The following SRPK2 variants were observed in gnomAD, a reference collection of about 807,000 sequenced individuals.
SRPK2 encodes the protein SFRS protein kinase 2.
SRPK2 carries 21 observed loss-of-function variants against 90.8 expected under a neutral mutation model. That is an observed-to-expected ratio of 0.23 (90% CI 0.16 to 0.33). The LOEUF is 0.33. SRPK2 is among the 10% of genes least tolerant of loss of function. The probability of loss-of-function intolerance (pLI) is 1.00; values close to 1 mark genes in which losing one functional copy is unlikely to be tolerated. For missense variants in SRPK2, 620 were observed against 869.0 expected (o/e 0.71, Z 3.60); for synonymous variants, 288 against 311.1 (o/e 0.93, Z 0.78).
At chr7:105,303,289 G>C (rs1810783525) in intron 2 of SRPK2, among the ~76,000 whole-genome samples, 2 of 151,968 alleles carry the variant, frequency 1.3e-5, no homozygotes, top group African/African-American at 4.8e-5. Context: ...ACAGGGCGGG[G>C]AACATCACAC....
intron 2 of SRPK2, among the ~76,000 whole-genome samples, chr7:105,331,136 TA>T (rs977642921): frequency 1.3e-5 from 2 of 151,726 alleles, no homozygotes; most frequent in Non-Finnish European, 2.9e-5. Context: ...ACCCCATCTC[TA>T]CCAAAAATAT....
intron 2 of SRPK2, among the ~76,000 whole-genome samples, chr7:105,297,736 AATTT>A (rs1810010302): frequency 7.9e-6 from 1 of 125,864 alleles, no homozygotes; most frequent in Non-Finnish European, 1.6e-5. Flanking sequence ...TTAAGCTGTA[AATTT>A]TTTTTTTTTT....
intron 2 of SRPK2, among the ~76,000 whole-genome samples, chr7:105,362,584 T>C (rs1038741022): frequency 2.0e-5 from 3 of 151,790 alleles, no homozygotes; most frequent in African/African-American, 4.8e-5. Context: ...TAGGAACACT[T>C]TTAAACTGTT....
chr7:105,237,938 G>A (rs79892591), intron 2 of SRPK2, among the ~76,000 whole-genome samples: 80 of 152,220 alleles, frequency 5.3e-4, no homozygotes, highest in Admixed American at 2.0e-3. Flanking sequence ...GTCTGACAGA[G>A]CACTAAAAAA....
At chr7:105,149,376 A>G (rs565160125) in intron 7 of SRPK2, among the ~76,000 whole-genome samples, 1 of 152,144 alleles carries the variant, frequency 6.6e-6, no homozygotes, top group Admixed American at 6.5e-5. Context: ...CTTGAACTTA[A>G]TTATGACATA....
At chr7:105,209,503 A>C (rs1317999405) in intron 2 of SRPK2, among the ~76,000 whole-genome samples, 1 of 151,982 alleles carries the variant, frequency 6.6e-6, no homozygotes, top group East Asian at 1.9e-4. Flanking sequence ...ATAGCACTGC[A>C]CTCCAGCCTG....
At chr7:105,264,424 A>G (rs914538321) in intron 2 of SRPK2, among the ~76,000 whole-genome samples, 1 of 152,218 alleles carries the variant, frequency 6.6e-6, no homozygotes, top group African/African-American at 2.4e-5. Context: ...GACAACACAC[A>G]ATCTCTATCA....
intron 2 of SRPK2, among the ~76,000 whole-genome samples, chr7:105,328,215 T>C (rs962696749): frequency 2.6e-5 from 4 of 152,172 alleles, no homozygotes; most frequent in Non-Finnish European, 2.9e-5. Context: ...GGAGGGTAGA[T>C]TGCAGAGTGG....
intron 2 of SRPK2, among the ~76,000 whole-genome samples, chr7:105,301,182 G>A (rs1310106385): frequency 1.3e-5 from 2 of 151,858 alleles, no homozygotes; most frequent in Non-Finnish European, 2.9e-5. Flanking sequence ...AGTGGCTCAC[G>A]CCTGTAATCC....
chr7:105,373,784 C>G (rs143956275), intron 2 of SRPK2, among the ~76,000 whole-genome samples: 1 of 152,218 alleles, frequency 6.6e-6, no homozygotes, highest in South Asian at 2.1e-4. Flanking sequence ...ACCTTACTGT[C>G]GTAAGTGCTT....
At chr7:105,125,489 T>C (rs1211181454) in intron 15 of SRPK2, among the ~76,000 whole-genome samples, 1 of 152,244 alleles carries the variant, frequency 6.6e-6, no homozygotes, top group East Asian at 1.9e-4. Flanking sequence ...AAGATAAGTC[T>C]AGCTGGCTTT....
chr7:105,367,138 G>A (rs1819169295), intron 2 of SRPK2, among the ~76,000 whole-genome samples: 1 of 150,640 alleles, frequency 6.6e-6, no homozygotes, highest in Admixed American at 6.6e-5. Context: ...CCTCCCACCT[G>A]GGTGTCCCAA....
chr7:105,322,166 G>C (rs1813008589), intron 2 of SRPK2, among the ~76,000 whole-genome samples: 1 of 152,206 alleles, frequency 6.6e-6, no homozygotes, highest in Non-Finnish European at 1.5e-5. Flanking sequence ...TGTAATCCCA[G>C]GACTCTGGGA....
At chr7:105,285,374 G>A (rs1286921370) in intron 2 of SRPK2, among the ~76,000 whole-genome samples, 2 of 112,602 alleles carry the variant, frequency 1.8e-5, no homozygotes, top group Non-Finnish European at 3.4e-5. Context: ...AACAGAGTGA[G>A]ACCCCGTCTC....
intron 2 of SRPK2, among the ~76,000 whole-genome samples, chr7:105,242,768 A>G (rs1306311001): frequency 1.3e-5 from 2 of 152,184 alleles, no homozygotes; most frequent in African/African-American, 4.8e-5. Flanking sequence ...CTGATCCAAA[A>G]GAGCCAATGA....
At chr7:105,115,049 T>A (rs1799547940), downstream of SRPK2, among the ~76,000 whole-genome samples, 1 of 152,204 alleles carries the variant, frequency 6.6e-6, no homozygotes, top group Non-Finnish European at 1.5e-5. Flanking sequence ...TTTAAATTCT[T>A]CACTGGCTTG....
At chr7:105,297,065 G>C (rs1360169210) in intron 2 of SRPK2, among the ~76,000 whole-genome samples, 4 of 152,094 alleles carry the variant, frequency 2.6e-5, no homozygotes, top group African/African-American at 9.7e-5. Context: ...AATACTTAGT[G>C]AACTCCCCTC....
At chr7:105,247,531 A>AACACACACACAC (rs59040708) in intron 2 of SRPK2, among the ~76,000 whole-genome samples, 7,332 of 145,122 alleles carry the variant, frequency 0.051, 229 homozygotes, top group Middle Eastern at 0.1. Flanking sequence ...CACACACATA[A>AACACACACACAC]ACACACACAC....
rs1563027126 is a variant in SRPK2 at position 105,170,973 on chromosome 7, GAAAGAGAAAGAAAGAAAGAAAGAGAA to G, written c.230-1734_230-1709del. Reference sequence around the variant, plus strand: ...AAAGAAAGAAAGAAAGAAAGAGAAAGAAAGAGAAAGAAAGAAAGAAAGAGAAAGAAAGAAAGAAAGAGAGGAAGGAA... The same window carrying G: ...AAAGAAAGAAAGAAAGAAAGAGAAAGAGAAAGAAAGAAAGAGAGGAAGGAA... On this transcript the variant is annotated intron_variant, in intron 3 of 15. Coordinates refer to ENST00000393651, the MANE Select transcript of SRPK2 (RefSeq NM_182692.3). Among the ~76,000 whole-genome samples, 36 of 70,548 alleles carry G rather than the reference GAAAGAGAAAGAAAGAAAGAAAGAGAA, an allele frequency of 5.1e-4. 2 individuals carry two copies. Among genetic ancestry groups the G allele is most frequent in the African/African-American group, 2.2e-3 (35 of 16,274 alleles). 46.3% of individuals were successfully genotyped at this position (70,548 alleles called of 152,430 possible). A position where few individuals can be genotyped will look rare whatever the true frequency, so the allele number is the denominator to read the frequency against.
Sources: allele counts gnomAD v4.1 joint callset (sites outside exome capture counted in the v4.1 genomes callset), GRCh38; gene constraint gnomAD v4.1.1; transcripts MANE v1.5; gene names NCBI Gene and HGNC (gene_info 2026-07-23, HGNC 2026-07-21).